Variants in UBOX5 observed in about 807,000 individuals in gnomAD.
UBOX5 encodes U-box domain containing 5, also known as RING finger protein 37.
A neutral mutation model predicts 39.0 loss-of-function variants in UBOX5; 28 were observed. The ratio of observed to expected loss-of-function variants is 0.72; its 90% confidence interval spans 0.53 to 0.98. The LOEUF (loss-of-function observed/expected upper bound fraction) is 0.98, where lower values mean the gene tolerates loss of function less well. UBOX5 is among the 50% of genes least tolerant of loss of function. UBOX5 has a pLI of 0.00. For missense variants in UBOX5, 585 were observed against 674.4 expected, an observed-to-expected ratio of 0.87 and a Z score of 1.47; for synonymous variants, 283 against 275.5, an observed-to-expected ratio of 1.03 and a Z score of -0.27.
intron 1 of UBOX5, among the ~76,000 whole-genome samples, chr20:3,152,256 G>A (rs183474087): frequency 2.6e-4 from 40 of 151,876 alleles, no homozygotes; most frequent in Admixed American, 2.4e-3. Flanking sequence ...TGAGGCGGGT[G>A]GATCTATGAG....
intron 4 of UBOX5, among the ~76,000 whole-genome samples, chr20:3,114,821 G>A (rs552469705): frequency 3.3e-5 from 5 of 152,188 alleles, no homozygotes; most frequent in South Asian, 2.1e-4. Context: ...GGTGGCGGGC[G>A]CCTGTAATCC....
intron 4 of UBOX5, among the ~76,000 whole-genome samples, chr20:3,111,072 T>G (rs772437886): frequency 1.5e-4 from 23 of 152,102 alleles, no homozygotes; most frequent in Non-Finnish European, 1.9e-4. Context: ...CGGCAGGCTC[T>G]CCCTTCTTCC....
chr20:3,132,558 C>T (rs2066437754), intron 1 of UBOX5, among the ~76,000 whole-genome samples: 1 of 151,170 alleles, frequency 6.6e-6, no homozygotes. Flanking sequence ...ATTGGTCATG[C>T]CTGTAATCCC....
At chr20:3,147,636 G>A in intron 1 of UBOX5, 3 of 1,614,216 alleles carry the variant, frequency 1.9e-6, no homozygotes, top group Non-Finnish European at 2.5e-6. Flanking sequence ...AAAAATGCCA[G>A]GCCCAGCAGG....
At chr20:3,125,786 C>T in intron 1 of UBOX5, among the ~76,000 whole-genome samples, 1 of 144,382 alleles carries the variant, frequency 6.9e-6, no homozygotes, top group African/African-American at 2.6e-5. Flanking sequence ...GTGAGGAGCG[C>T]CTCTGCCCAG....
At position 3,122,341 on chromosome 20, in the gene UBOX5, G is replaced by A. The variant is rs751615531; in HGVS notation, c.298C>T (p.Arg100Trp). Residue 100 changes from arginine to tryptophan, a missense_variant, in exon 3 of 5, where the codon CGG (arginine) becomes TGG (tryptophan). Transcript: ENST00000217173. ...SRVSWNTPQC[R>W]TLGPAEPSVP... ...GATGGCTCAGCTGGGCCCAGGGTCC[G>A]GCACTGGGGCGTATTCCAAGACACT... 77 of 1,614,066 alleles carry A rather than the reference G, an allele frequency of 4.8e-5. No homozygotes were observed. Among genetic ancestry groups the A allele is most frequent in the African/African-American group, 6.7e-5 (5 of 74,914 alleles).
At chr20:3,141,931 T>G (rs1467721446) in intron 1 of UBOX5, among the ~76,000 whole-genome samples, 3 of 151,906 alleles carry the variant, frequency 2.0e-5, no homozygotes, top group Admixed American at 2.0e-4. Context: ...GAGGATCACT[T>G]GAACCTGGGA....
intron 1 of UBOX5, 90 bp from the exon 2 acceptor site, chr20:3,123,496 G>T: frequency 1.1e-6 from 1 of 927,296 alleles, no homozygotes. Flanking sequence ...CAAACAGGAT[G>T]GCAACAAAAA....
intron 1 of UBOX5, among the ~76,000 whole-genome samples, chr20:3,150,263 G>C (rs1204974428): frequency 2.0e-5 from 3 of 152,148 alleles, no homozygotes; most frequent in Non-Finnish European, 4.4e-5. Context: ...GGAGAAAGCA[G>C]AAGGTTGAGG....
In UBOX5 at chr20:3,148,181, T is replaced by C. The variant is rs1455858340; in HGVS notation, c.-42+11585A>G. On this transcript the variant is annotated intron_variant, in intron 1 of 4. Transcript: ENST00000217173. ...CAATGATTCCAATTTTTGCATTAGG[T>C]CCTGGGATACCTGACGATTTTCACC... 1.9e-6 allele frequency: 3 copies of C among 1,613,860 alleles called. No individual in the cohort carries two copies. In the African/African-American group the frequency reaches 4.0e-5, roughly 22 times the overall value.
chr20:3,149,728 A>G lies in UBOX5; in HGVS notation c.-42+10038T>C, dbSNP rs1387429959. ...AAAGTGGGATCTGGTATAAAAGATA[A>G]TTAGTTGGCTGGGTGTGGGTGGCTC... On this transcript the variant is annotated intron_variant, in intron 1 of 4. Transcript: ENST00000217173. The surrounding 1 kb of genome is among the most constrained non-coding windows in gnomAD (Gnocchi z 4.1). Among the ~76,000 whole-genome samples, 1 of 152,202 alleles carries G rather than the reference A, an allele frequency of 6.6e-6. No individual in the cohort carries two copies. Among genetic ancestry groups the G allele is most frequent in the Non-Finnish European group, 1.5e-5 (1 of 68,032 alleles).
chr20:3,150,313 A>G (rs1310316109), intron 1 of UBOX5, among the ~76,000 whole-genome samples: 1 of 152,116 alleles, frequency 6.6e-6, no homozygotes, highest in Non-Finnish European at 1.5e-5. Context: ...AGCAAAGAGT[A>G]CCCCAAAGCT....
rs138609005 is a variant in UBOX5, at chr20:3,152,927, A to G, written c.-42+6839T>C. On this transcript the variant is annotated intron_variant, in intron 1 of 4. Coordinates refer to ENST00000217173, the MANE Select transcript of UBOX5 (RefSeq NM_014948.4). Reference sequence around the variant, plus strand: ...TCAAAAAAAAAAAAAAGTAGATCCTAAAAAAATAGATTTAAAGGTCCCATT... The same window carrying G: ...TCAAAAAAAAAAAAAAGTAGATCCTGAAAAAATAGATTTAAAGGTCCCATT... Among the ~76,000 whole-genome samples the G allele has an allele frequency of 7.5e-3, 1,139 of 152,062 alleles. 17 individuals are homozygous for G. The highest frequency in any genetic ancestry group is 0.026 in the African/African-American group (1,082 of 41,450).
chr20:3,154,316 A>G (rs1334792390), intron 1 of UBOX5, among the ~76,000 whole-genome samples: 1 of 152,242 alleles, frequency 6.6e-6, no homozygotes, highest in Non-Finnish European at 1.5e-5. Flanking sequence ...AGGATACAAA[A>G]AGCCATGCTA....
Position 3,109,895 on chromosome 20 carries a change from T to TC in UBOX5, c.*210dup. ...GGGGGGTGGCAGGGAGGCAGGGACA[T>TC]CCCCCCGCCCTCTGGCCTATGGCTT... On this transcript the variant is annotated 3_prime_UTR_variant, in exon 5 of 5. Transcript: ENST00000217173. 1 of 624,220 alleles carries TC rather than the reference T, an allele frequency of 1.6e-6. No homozygotes were observed. Among genetic ancestry groups the TC allele is most frequent in the East Asian group, 2.8e-5 (1 of 35,452 alleles). The allele number at this position is 624,220 out of a possible 1,614,324, so 38.7% of individuals were successfully genotyped here.
chr20:3,128,780 T>C (rs968202258), intron 1 of UBOX5, among the ~76,000 whole-genome samples: 1 of 152,168 alleles, frequency 6.6e-6, no homozygotes, highest in African/African-American at 2.4e-5. Flanking sequence ...AGAGGATCAC[T>C]TGAAGCCAGG....
At chr20:3,131,882 C>T (rs2066431401) in intron 1 of UBOX5, among the ~76,000 whole-genome samples, 1 of 151,806 alleles carries the variant, frequency 6.6e-6, no homozygotes, top group South Asian at 2.1e-4. Context: ...GTGGCGGGCA[C>T]CTGTAATCCC....
At chr20:3,117,663 G>A (rs1345489270) in intron 3 of UBOX5, among the ~76,000 whole-genome samples, 2 of 152,140 alleles carry the variant, frequency 1.3e-5, no homozygotes, top group African/African-American at 2.4e-5. Context: ...CAGCCCGGGC[G>A]ACAGAGCGAG....
intron 1 of UBOX5, among the ~76,000 whole-genome samples, chr20:3,142,763 ACT>A (rs1376218756): frequency 8.7e-5 from 11 of 126,460 alleles, no homozygotes; most frequent in Admixed American, 2.9e-4. Flanking sequence ...ACAGAGAGAA[ACT>A]CTGTCTCAAA....
Sources: gnomAD v4.1 joint callset for allele counts (sites outside exome capture counted in the v4.1 genomes callset) on GRCh38, gnomAD v4.1.1 for gene constraint, Gnocchi (gnomAD v3.1) non-coding constraint, MANE v1.5 for transcripts, NCBI Gene and HGNC (gene_info 2026-07-23, HGNC 2026-07-21) for gene names.